The following PHF24 variants were observed in gnomAD, a reference collection of about 807,000 sequenced individuals.
PHF24 encodes PHD finger protein 24, also known as Galpha inhibitory interacting protein.
In PHF24, 25 loss-of-function variants were observed where a neutral mutation model predicts 42.6. The observed-to-expected ratio is 0.59, with a 90% CI of 0.43 to 0.82. The LOEUF is 0.82. Among genes scored for constraint, PHF24 ranks in the 40% least tolerant of loss-of-function variants. PHF24 has a pLI of 0.00. For synonymous variants in PHF24, 185 were observed against 204.8 expected, an observed-to-expected ratio of 0.90 and a Z score of 0.83; for missense variants, 470 against 538.1, an observed-to-expected ratio of 0.87 and a Z score of 1.25.
At chr9:34,803,611 G>A in the PHF24 span, among the ~76,000 whole-genome samples, 3 of 152,182 alleles carry the variant, frequency 2.0e-5, no homozygotes, top group African/African-American at 7.2e-5. Context: ...GGTGTATGGA[G>A]CAGGGCTAAC....
chr9:34,691,090 C>T, the PHF24 span: 1 of 1,608,430 alleles, frequency 6.2e-7, no homozygotes, highest in Non-Finnish European at 8.5e-7. Flanking sequence ...TTCAGCCTTA[C>T]CTGGGGAAGT....
At chr9:34,959,043 C>G (rs375506929) in intron 1 of PHF24, among the ~76,000 whole-genome samples, 4 of 152,218 alleles carry the variant, frequency 2.6e-5, no homozygotes, top group African/African-American at 9.7e-5. Context: ...CCTCCTCTTT[C>G]CCCATTCGGA....
chr9:34,850,528 TTCTTTG>T, the PHF24 span, among the ~76,000 whole-genome samples: 1 of 152,238 alleles, frequency 6.6e-6, no homozygotes, highest in Non-Finnish European at 1.5e-5. Context: ...AGTTTTCAAC[TTCTTTG>T]TCTTTGTTTT....
the PHF24 span, chr9:34,710,019 A>T: frequency 1.9e-6 from 3 of 1,614,116 alleles, no homozygotes; most frequent in Admixed American, 1.7e-5. Flanking sequence ...TGGGGATGCC[A>T]AAGGCCAGAA....
At chr9:34,741,237 C>T in the PHF24 span, among the ~76,000 whole-genome samples, 1 of 151,870 alleles carries the variant, frequency 6.6e-6, no homozygotes, top group Non-Finnish European at 1.5e-5. Context: ...CACACACACA[C>T]GTATATATAT....
At chr9:34,941,756 AC>A in the PHF24 span, among the ~76,000 whole-genome samples, 1 of 152,132 alleles carries the variant, frequency 6.6e-6, no homozygotes, top group Admixed American at 6.5e-5. Context: ...TCTCTGCCAA[AC>A]AAGCTCCCTT....
chr9:34,721,945 C>T, the PHF24 span, among the ~76,000 whole-genome samples: 1 of 152,208 alleles, frequency 6.6e-6, no homozygotes, highest in African/African-American at 2.4e-5. Flanking sequence ...CACTGCTTGT[C>T]AGTTTCCTCT....
At chr9:34,975,721 A>G (rs1223570608) in intron 3 of PHF24, among the ~76,000 whole-genome samples, 2 of 151,538 alleles carry the variant, frequency 1.3e-5, no homozygotes, top group African/African-American at 2.4e-5. Flanking sequence ...ACTAAAATAC[A>G]TTTTTAGCAC....
chr9:34,716,685 A>G, the PHF24 span, among the ~76,000 whole-genome samples: 1 of 151,904 alleles, frequency 6.6e-6, no homozygotes, highest in African/African-American at 2.4e-5. Flanking sequence ...AGCTTCCCAG[A>G]CTCAAGCTAT....
At chr9:34,924,161 G>C in the PHF24 span, among the ~76,000 whole-genome samples, 3 of 152,104 alleles carry the variant, frequency 2.0e-5, no homozygotes, top group Non-Finnish European at 4.4e-5. Context: ...GGTCATAGAA[G>C]ATACTTGATA....
intron 3 of PHF24, among the ~76,000 whole-genome samples, chr9:34,975,168 G>A (rs1827142255): frequency 6.6e-6 from 1 of 152,038 alleles, no homozygotes; most frequent in Admixed American, 6.6e-5. Flanking sequence ...TAATTTGAGG[G>A]GCTCGATAAA....
At chr9:34,822,424 A>G in the PHF24 span, among the ~76,000 whole-genome samples, 2 of 152,258 alleles carry the variant, frequency 1.3e-5, no homozygotes, top group Non-Finnish European at 2.9e-5. Flanking sequence ...TATAAAATTC[A>G]TATTTTAAAG....
chr9:34,945,627 G>A, the PHF24 span, among the ~76,000 whole-genome samples: 3 of 152,144 alleles, frequency 2.0e-5, no homozygotes, highest in Non-Finnish European at 2.9e-5. Context: ...TGGATTCACT[G>A]TCATAGGAGT....
At chr9:34,787,723 G>A in the PHF24 span, among the ~76,000 whole-genome samples, 1 of 152,140 alleles carries the variant, frequency 6.6e-6, no homozygotes, top group Non-Finnish European at 1.5e-5. Flanking sequence ...TCTCAGGGAT[G>A]CAATAGGGGT....
the PHF24 span, among the ~76,000 whole-genome samples, chr9:34,707,881 G>A: frequency 2.6e-5 from 4 of 152,066 alleles, no homozygotes; most frequent in Non-Finnish European, 5.9e-5. Context: ...ACAGGCGCCC[G>A]CCACAATGCC....
chr9:34,749,164 G>A, the PHF24 span, among the ~76,000 whole-genome samples: 148 of 151,794 alleles, frequency 9.8e-4, no homozygotes, highest in Middle Eastern at 6.8e-3. Flanking sequence ...ATAACCAGGG[G>A]AGACAAAAGA....
chr9:34,928,920 C>A, the PHF24 span, among the ~76,000 whole-genome samples: 1 of 152,228 alleles, frequency 6.6e-6, no homozygotes, highest in Non-Finnish European at 1.5e-5. Context: ...TTGCAGTCCT[C>A]TTGGTACCCT....
the PHF24 span, among the ~76,000 whole-genome samples, chr9:34,826,710 A>G: frequency 7.3e-6 from 1 of 137,100 alleles, no homozygotes; most frequent in South Asian, 2.3e-4. Context: ...AAAGCCCAAG[A>G]GAAGAGCTCT....
chr9:34,972,029 G>A (rs760775146), intron 2 of PHF24, among the ~76,000 whole-genome samples: 1 of 152,128 alleles, frequency 6.6e-6, no homozygotes, highest in East Asian at 1.9e-4. Context: ...GGTGGCTACT[G>A]GTGTTTGGTA....
Sources: gnomAD v4.1 joint callset for allele counts (sites outside exome capture counted in the v4.1 genomes callset) on GRCh38, gnomAD v4.1.1 for gene constraint, MANE v1.5 for transcripts, NCBI Gene and HGNC (gene_info 2026-07-23, HGNC 2026-07-21) for gene names.